FAM135B: variants seen among roughly 807,000 people sequenced by gnomAD.
The protein encoded by FAM135B is family with sequence similarity 135 member B.
Under a neutral mutation model 127.7 loss-of-function variants are expected in FAM135B, and 43 were observed. The ratio of observed to expected loss-of-function variants is 0.34; its 90% CI spans 0.26 to 0.43. The LOEUF (loss-of-function observed/expected upper bound fraction) is 0.43. Among genes scored for constraint, FAM135B ranks in the 20% least tolerant of loss-of-function variants. FAM135B has a pLI of 1.00. For synonymous variants in FAM135B, 670 were observed against 665.1 expected (o/e 1.01, Z -0.11); for missense variants, 1,558 against 1,725.6 (o/e 0.90, Z 1.72).
chr8:138,417,161 G>A (rs1462940819), intron 1 of FAM135B, among the ~76,000 whole-genome samples: 3 of 152,178 alleles, frequency 2.0e-5, no homozygotes, highest in Non-Finnish European at 2.9e-5. Flanking sequence ...AGCCTTGATT[G>A]ACTGACAGAC....
intron 9 of FAM135B, among the ~76,000 whole-genome samples, chr8:138,182,549 G>A (rs1003240121): frequency 2.0e-5 from 3 of 152,238 alleles, no homozygotes; most frequent in Non-Finnish European, 2.9e-5. Flanking sequence ...CCGAGCTCTG[G>A]GGAGCCAAAC....
Position 138,132,831 on chromosome 8 carries a change from T to G in FAM135B, c.4016-33A>C. The G allele has an allele frequency of 1.3e-6, 2 of 1,597,158 alleles. No homozygotes were observed. The highest frequency in any genetic ancestry group is 1.7e-6 in the Non-Finnish European group (2 of 1,165,134). On this transcript the variant is annotated intron_variant, in intron 19 of 19. Transcript: ENST00000395297. The surrounding 1 kb of genome is among the most constrained non-coding windows in gnomAD (Gnocchi z 4.5). Reference sequence around the variant, plus strand: ...GTGGGGAAGAAGGACATGAAGCTGGTGCAGAAATTAGCAGTGGAATCTAGA... The same window carrying G: ...GTGGGGAAGAAGGACATGAAGCTGGGGCAGAAATTAGCAGTGGAATCTAGA...
intron 2 of FAM135B, among the ~76,000 whole-genome samples, chr8:138,354,327 A>T (rs1396080695): frequency 6.6e-6 from 1 of 152,102 alleles, no homozygotes; most frequent in Non-Finnish European, 1.5e-5. Context: ...AAAACAAAAC[A>T]AAACACTTGT....
At chr8:138,219,959 C>G (rs1377238668) in intron 7 of FAM135B, among the ~76,000 whole-genome samples, 1 of 152,030 alleles carries the variant, frequency 6.6e-6, no homozygotes, top group Non-Finnish European at 1.5e-5. Flanking sequence ...AATATATTAA[C>G]TCATTTTTTT....
At chr8:138,332,603 A>G (rs1828266539) in intron 2 of FAM135B, among the ~76,000 whole-genome samples, 1 of 151,960 alleles carries the variant, frequency 6.6e-6, no homozygotes, top group Admixed American at 6.6e-5. Context: ...AAACGGGTGG[A>G]TGATGAGGCT....
At chr8:138,321,422 C>T (rs1215247520) in intron 2 of FAM135B, among the ~76,000 whole-genome samples, 1 of 152,102 alleles carries the variant, frequency 6.6e-6, no homozygotes, top group African/African-American at 2.4e-5. Flanking sequence ...TATGATTATA[C>T]CAAACAGCAC....
intron 1 of FAM135B, among the ~76,000 whole-genome samples, chr8:138,467,118 A>G (rs1449177539): frequency 2.0e-5 from 3 of 152,246 alleles, no homozygotes; most frequent in Non-Finnish European, 4.4e-5. Flanking sequence ...TCTTCCAGAA[A>G]TACGATTGGA....
At chr8:138,423,951 T>A (rs550419329) in intron 1 of FAM135B, among the ~76,000 whole-genome samples, 1 of 152,348 alleles carries the variant, frequency 6.6e-6, no homozygotes, top group Non-Finnish European at 1.5e-5. Context: ...TTCTCCCATT[T>A]GCTTTTGAAA....
At chr8:138,401,591 A>G (rs969782134) in intron 1 of FAM135B, among the ~76,000 whole-genome samples, 1 of 152,084 alleles carries the variant, frequency 6.6e-6, no homozygotes, top group African/African-American at 2.4e-5. Context: ...TCTCATATCT[A>G]TTTTCTCAGC....
intron 3 of FAM135B, among the ~76,000 whole-genome samples, chr8:138,293,252 A>C (rs1191829044): frequency 1.3e-5 from 2 of 152,178 alleles, no homozygotes; most frequent in Admixed American, 1.3e-4. Context: ...AAATCAACTC[A>C]AGATGAGTCA....
chr8:138,445,120 G>A (rs1836046961), intron 1 of FAM135B, among the ~76,000 whole-genome samples: 1 of 152,102 alleles, frequency 6.6e-6, no homozygotes, highest in African/African-American at 2.4e-5. Context: ...TTGAATCTCT[G>A]AATAGATCAA....
chr8:138,272,023 C>A (rs1024194478), intron 3 of FAM135B, among the ~76,000 whole-genome samples: 1 of 150,634 alleles, frequency 6.6e-6, no homozygotes, highest in Non-Finnish European at 1.5e-5. Context: ...TAATTTTACT[C>A]CTTAATTTGT....
At chr8:138,482,251 G>A (rs1814811167) in intron 1 of FAM135B, among the ~76,000 whole-genome samples, 1 of 152,234 alleles carries the variant, frequency 6.6e-6, no homozygotes, top group Admixed American at 6.5e-5. Flanking sequence ...TGCATGGGGT[G>A]AGGAAGTGTA....
chr8:138,468,142 A>G (rs1394883684), intron 1 of FAM135B, among the ~76,000 whole-genome samples: 1 of 152,248 alleles, frequency 6.6e-6, no homozygotes, highest in East Asian at 1.9e-4. Flanking sequence ...TGGATGACTG[A>G]AACTTTCATA....
At chr8:138,197,472 A>T (rs1308008489) in intron 8 of FAM135B, 44 bp downstream of exon 8, 2 of 1,592,520 alleles carry the variant, frequency 1.3e-6, no homozygotes, top group Non-Finnish European at 1.7e-6. Flanking sequence ...TGGAGGAGGC[A>T]CATGAGCTGC....
At chr8:138,336,586 A>C (rs551448447) in intron 2 of FAM135B, among the ~76,000 whole-genome samples, 63 of 152,310 alleles carry the variant, frequency 4.1e-4, no homozygotes, top group Admixed American at 2.7e-3. Context: ...ATAGACCAAA[A>C]ACAGGCTCTC....
At chr8:138,325,838 C>G (rs1387068207) in intron 2 of FAM135B, among the ~76,000 whole-genome samples, 1 of 152,084 alleles carries the variant, frequency 6.6e-6, no homozygotes, top group Non-Finnish European at 1.5e-5. Context: ...TTCTCATTTG[C>G]AAATGAAGAT....
At chr8:138,334,272 T>G (rs1828393495) in intron 2 of FAM135B, among the ~76,000 whole-genome samples, 1 of 152,204 alleles carries the variant, frequency 6.6e-6, no homozygotes, top group Non-Finnish European at 1.5e-5. Flanking sequence ...TAGAATTGCT[T>G]GCTCTGGCAA....
intron 1 of FAM135B, among the ~76,000 whole-genome samples, chr8:138,418,648 T>A (rs1370644773): frequency 6.6e-6 from 1 of 152,112 alleles, no homozygotes; most frequent in Non-Finnish European, 1.5e-5. Flanking sequence ...ATATTCAGCA[T>A]CTTTAAAGAA....
Sources: gnomAD v4.1 joint callset for allele counts (sites outside exome capture counted in the v4.1 genomes callset) on GRCh38, gnomAD v4.1.1 for gene constraint, Gnocchi (gnomAD v3.1) non-coding constraint, MANE v1.5 for transcripts, NCBI Gene and HGNC (gene_info 2026-07-23, HGNC 2026-07-21) for gene names.